ATP8B1: variants seen among roughly 807,000 people sequenced by gnomAD.
ATP8B1 encodes the protein ATPase phospholipid transporting 8B1.
ATP8B1 carries 80 observed loss-of-function variants against 149.9 expected under a neutral mutation model. The observed-to-expected ratio is 0.53, with a 90% CI of 0.45 to 0.64. The LOEUF (loss-of-function observed/expected upper bound fraction) is 0.64. Among genes scored for constraint, ATP8B1 ranks in the 30% least tolerant of loss-of-function variants. The pLI is 0.00. For synonymous variants in ATP8B1, 536 were observed against 562.8 expected (o/e 0.95, Z 0.67); for missense variants, 1,247 against 1,552.6 (o/e 0.80, Z 3.31).
intron 2 of ATP8B1, among the ~76,000 whole-genome samples, chr18:57,720,557 AAAG>A (rs1456680429): frequency 3.9e-5 from 5 of 127,318 alleles, no homozygotes; most frequent in African/African-American, 6.0e-5. Flanking sequence ...AAAAGAATAA[AAAG>A]AAATGAGCAA....
At chr18:57,791,346 CTTTTCT>C (rs2080462371) in intron 1 of ATP8B1, among the ~76,000 whole-genome samples, 1 of 124,970 alleles carries the variant, frequency 8.0e-6, no homozygotes, top group Non-Finnish European at 1.7e-5. Context: ...TTTTTCTTTT[CTTTTCT>C]TTTTTTTTTT....
intron 1 of ATP8B1, among the ~76,000 whole-genome samples, chr18:57,800,510 T>C (rs35313377): frequency 6.6e-6 from 1 of 152,072 alleles, no homozygotes; most frequent in South Asian, 2.1e-4. Flanking sequence ...ATGTTGCTTA[T>C]AAAAAACTAA....
At chr18:57,660,680 G>A (rs373842681) in intron 22 of ATP8B1, among the ~76,000 whole-genome samples, 9 of 152,004 alleles carry the variant, frequency 5.9e-5, no homozygotes, top group African/African-American at 1.9e-4. Flanking sequence ...CACCACACCT[G>A]GCTAATTTTT....
chr18:57,758,050 C>T (rs4941044), intron 1 of ATP8B1, among the ~76,000 whole-genome samples: 19,941 of 152,066 alleles, frequency 0.13, 1,760 homozygotes, highest in South Asian at 0.3. Flanking sequence ...CACCGTGTAG[C>T]TCAGACTGGT....
rs553164402 is a variant in ATP8B1 at position 57,647,505 on chromosome 18, A to G, written c.*983T>C. ...GATGAACACTGATAAGTCATTTGTC[A>G]TTACTATAAATTTTAAAATCTGTTA... On this transcript the variant is annotated 3_prime_UTR_variant, in exon 28 of 28. Transcript: ENST00000648908. The G allele has an allele frequency of 6.6e-6, 1 of 152,470 alleles. No homozygotes were observed. The highest frequency in any genetic ancestry group is 2.1e-4 in the South Asian group (1 of 4,824). 9.4% of individuals were successfully genotyped at this position (152,470 alleles called of 1,614,324 possible). A position where few individuals can be genotyped will look rare whatever the true frequency, so the allele number is the denominator to read the frequency against.
At chr18:57,794,786 G>A (rs951610156) in intron 1 of ATP8B1, among the ~76,000 whole-genome samples, 10 of 126,420 alleles carry the variant, frequency 7.9e-5, no homozygotes, top group Non-Finnish European at 1.1e-4. Flanking sequence ...GCGAAACTCC[G>A]CCTCAAAAAG....
At chr18:57,790,595 TG>T (rs2123449459) in intron 1 of ATP8B1, among the ~76,000 whole-genome samples, 1 of 152,282 alleles carries the variant, frequency 6.6e-6, no homozygotes, top group African/African-American at 2.4e-5. Context: ...TTCCCCTGAC[TG>T]GTACTTTCTT....
At chr18:57,736,289 G>T (rs901070738) in intron 1 of ATP8B1, among the ~76,000 whole-genome samples, 3 of 152,048 alleles carry the variant, frequency 2.0e-5, no homozygotes, top group Non-Finnish European at 2.9e-5. Context: ...ACTGTTGATT[G>T]CTTCCCTTGC....
At chr18:57,649,533 G>T (rs1196621150) in intron 27 of ATP8B1, among the ~76,000 whole-genome samples, 1 of 152,114 alleles carries the variant, frequency 6.6e-6, no homozygotes, top group Non-Finnish European at 1.5e-5. Context: ...GGATACTGAA[G>T]GTTGCCTCAG....
At chr18:57,721,500 A>G (rs2079646253) in intron 2 of ATP8B1, among the ~76,000 whole-genome samples, 1 of 151,798 alleles carries the variant, frequency 6.6e-6, no homozygotes, top group Non-Finnish European at 1.5e-5. Context: ...GAGACAAAGA[A>G]GGCCATTACA....
At chr18:57,748,560 T>G (rs2079987345) in intron 1 of ATP8B1, among the ~76,000 whole-genome samples, 1 of 152,202 alleles carries the variant, frequency 6.6e-6, no homozygotes, top group Non-Finnish European at 1.5e-5. Flanking sequence ...GGCTTGAATG[T>G]GTAGCTTTAA....
At chr18:57,788,501 G>T (rs926454259) in intron 1 of ATP8B1, among the ~76,000 whole-genome samples, 2 of 151,324 alleles carry the variant, frequency 1.3e-5, no homozygotes, top group African/African-American at 4.9e-5. Context: ...GTCCTGGTGA[G>T]CCGTGATTGT....
chr18:57,787,812 T>A, intron 1 of ATP8B1, among the ~76,000 whole-genome samples: 1 of 152,120 alleles, frequency 6.6e-6, no homozygotes, highest in Non-Finnish European at 1.5e-5. Context: ...AAAACACCTT[T>A]AAAATAAATA....
At chr18:57,744,751 G>A (rs1213666907) in intron 1 of ATP8B1, among the ~76,000 whole-genome samples, 2 of 152,190 alleles carry the variant, frequency 1.3e-5, no homozygotes, top group Non-Finnish European at 2.9e-5. Context: ...AAATAAGTCT[G>A]TCAAGCTGAA....
At position 57,662,180 on chromosome 18, in the gene ATP8B1, C is replaced by T. The variant is rs79277091; in HGVS notation, c.2418+303G>A. Among the ~76,000 whole-genome samples, 9,425 of 152,220 alleles carry T rather than the reference C, an allele frequency of 0.062. 734 individuals are homozygous for T. The highest frequency in any genetic ancestry group is 0.17 in the African/African-American group (7,128 of 41,510). On this transcript the variant is annotated intron_variant, in intron 21 of 27. Transcript: ENST00000648908. ...TCCAGAGGAGCTGGGACTACAGGCG[C>T]ATGCCACCACATCCAGCTTATAAAA... is the stretch of plus-strand genomic sequence containing the variant.
intron 1 of ATP8B1, among the ~76,000 whole-genome samples, chr18:57,795,247 T>TC (rs1483884311): frequency 6.6e-6 from 1 of 151,560 alleles, no homozygotes; most frequent in Admixed American, 6.6e-5. Context: ...ATTTTTTTTT[T>TC]CTTTTATTAG....
chr18:57,713,157 C>CTCTCTCTT (rs1555694194), intron 2 of ATP8B1, among the ~76,000 whole-genome samples: 6 of 92,100 alleles, frequency 6.5e-5, no homozygotes, highest in Admixed American at 3.7e-4. Context: ...CTTGATCTTT[C>CTCTCTCTT]TCTTTCTTTC....
chr18:57,768,252 TGGG>T (rs1447343511), intron 1 of ATP8B1, among the ~76,000 whole-genome samples: 1 of 150,618 alleles, frequency 6.6e-6, no homozygotes, highest in African/African-American at 2.4e-5. Context: ...CCAGGTGTGG[TGGG>T]GGGCACCTGT....
chr18:57,729,639 C>T (rs1220855667), intron 2 of ATP8B1, among the ~76,000 whole-genome samples: 1 of 150,934 alleles, frequency 6.6e-6, no homozygotes, highest in Non-Finnish European at 1.5e-5. Context: ...CCACCTCTGC[C>T]TGCCGGGTTC....
Sources: allele counts gnomAD v4.1 joint callset (sites outside exome capture counted in the v4.1 genomes callset), GRCh38; gene constraint gnomAD v4.1.1; transcripts MANE v1.5; gene names NCBI Gene and HGNC (gene_info 2026-07-23, HGNC 2026-07-21).